Variants in DYNC2H1 observed in about 807,000 individuals in gnomAD.
DYNC2H1 encodes the protein dynein cytoplasmic 2 heavy chain 1.
A neutral mutation model predicts 570.0 loss-of-function variants in DYNC2H1; 410 were observed. The observed-to-expected ratio is 0.72, with a 90% confidence interval of 0.66 to 0.78. The LOEUF is 0.78. DYNC2H1 is among the 30% of genes least tolerant of loss of function. DYNC2H1 has a pLI of 0.00. For missense variants in DYNC2H1, 4,865 were observed against 5,046.4 expected (o/e 0.96, Z 1.09); for synonymous variants, 1,688 against 1,677.6 (o/e 1.01, Z -0.15).
intron 54 of DYNC2H1, among the ~76,000 whole-genome samples, chr11:103,212,165 G>T (rs1863182130): frequency 6.6e-6 from 1 of 151,928 alleles, no homozygotes; most frequent in East Asian, 1.9e-4. Context: ...TTCTTCGCTG[G>T]TTGGCATTTA....
intron 87 of DYNC2H1, among the ~76,000 whole-genome samples, chr11:103,456,857 A>G (rs1944806575): frequency 6.6e-6 from 1 of 152,244 alleles, no homozygotes; most frequent in Non-Finnish European, 1.5e-5. Flanking sequence ...TGTTTCATGC[A>G]CAAAATTCTT....
chr11:103,394,204 T>C (rs1031154777), intron 83 of DYNC2H1, among the ~76,000 whole-genome samples: 1 of 152,182 alleles, frequency 6.6e-6, no homozygotes, highest in Non-Finnish European at 1.5e-5. Context: ...TTAAATAACA[T>C]ATCTTTAATT....
At chr11:103,456,861 AAT>A (rs1279047646) in intron 87 of DYNC2H1, among the ~76,000 whole-genome samples, 1 of 152,236 alleles carries the variant, frequency 6.6e-6, no homozygotes, top group African/African-American at 2.4e-5. Context: ...TCATGCACAA[AAT>A]TCTTTAAAAT....
chr11:103,441,458 A>C (rs902103947), intron 85 of DYNC2H1, among the ~76,000 whole-genome samples: 1 of 150,542 alleles, frequency 6.6e-6, no homozygotes, highest in Non-Finnish European at 1.5e-5. Context: ...TTTATTTTTA[A>C]AAGTTTCTAT....
At chr11:103,116,863 G>T (rs1469662783) in intron 5 of DYNC2H1, 149 bp downstream of exon 5, 1 of 636,452 alleles carries the variant, frequency 1.6e-6, no homozygotes, top group Non-Finnish European at 2.3e-6. Flanking sequence ...ATAGATATTT[G>T]TATATAGTTG....
intron 30 of DYNC2H1, among the ~76,000 whole-genome samples, chr11:103,165,686 A>G (rs1399663068): frequency 6.6e-6 from 1 of 152,188 alleles, no homozygotes; most frequent in African/African-American, 2.4e-5. Context: ...GTATAGTATG[A>G]AATGAGTTCT....
chr11:103,178,462 A>G (rs1861715749), intron 38 of DYNC2H1, among the ~76,000 whole-genome samples: 1 of 152,092 alleles, frequency 6.6e-6, no homozygotes, highest in Non-Finnish European at 1.5e-5. Context: ...TGTATTTCTA[A>G]CACTTTTATC....
chr11:103,339,447 G>A (rs1939328260), intron 82 of DYNC2H1, among the ~76,000 whole-genome samples: 2 of 152,322 alleles, frequency 1.3e-5, no homozygotes, highest in South Asian at 4.1e-4. Flanking sequence ...CTGGCCCTGG[G>A]TGGGTCAAGA....
intron 19 of DYNC2H1, among the ~76,000 whole-genome samples, chr11:103,148,177 C>T (rs1860341326): frequency 6.6e-6 from 1 of 152,056 alleles, no homozygotes; most frequent in African/African-American, 2.4e-5. Flanking sequence ...TTTCAAAATA[C>T]CACAGTTTCT....
Position 103,252,144 on chromosome 11 carries a change from A to G in DYNC2H1, c.10043-1141A>G, listed in dbSNP as rs1302849136. 2.0e-5 allele frequency among the ~76,000 whole-genome samples: 3 copies of G among 150,810 alleles called. No individual in the cohort carries two copies. Among genetic ancestry groups the G allele is most frequent in the African/African-American group, 7.3e-5 (3 of 40,986 alleles). On this transcript the variant is annotated intron_variant, in intron 65 of 88. Transcript: ENST00000375735. This position sits in a 1 kb window ranked among gnomAD's most constrained non-coding sequence, Gnocchi z 4.6. ...AAGACGAGGTCTCAGTATGTTTCCC[A>G]GATGGATCTTGAACTTCTGGTCTCA...
At chr11:103,419,445 C>A (rs1284515998) in intron 84 of DYNC2H1, among the ~76,000 whole-genome samples, 1 of 152,100 alleles carries the variant, frequency 6.6e-6, no homozygotes, top group Non-Finnish European at 1.5e-5. Context: ...AGGCTGCCAT[C>A]TCTGCTGTTT....
At chr11:103,308,987 C>T (rs1397662293) in intron 78 of DYNC2H1, among the ~76,000 whole-genome samples, 2 of 151,864 alleles carry the variant, frequency 1.3e-5, no homozygotes, top group Non-Finnish European at 2.9e-5. Context: ...TCCCTGCCTT[C>T]CTTCTATGCT....
At chr11:103,391,325 T>C (rs2671366) in intron 83 of DYNC2H1, among the ~76,000 whole-genome samples, 102,788 of 152,108 alleles carry the variant, frequency 0.68, 34,850 homozygotes, top group Admixed American at 0.73. Context: ...ACGTAGTTCT[T>C]ATGCCCTGGT....
chr11:103,464,808 AACATGT>A (rs1184776266), intron 87 of DYNC2H1, among the ~76,000 whole-genome samples: 17 of 152,336 alleles, frequency 1.1e-4, no homozygotes, highest in South Asian at 6.2e-4. Flanking sequence ...GCAATATTGA[AACATGT>A]ACTTCTGCAA....
chr11:103,376,064 TAGTG>T (rs1174518691), intron 83 of DYNC2H1, among the ~76,000 whole-genome samples: 1 of 152,170 alleles, frequency 6.6e-6, no homozygotes, highest in Non-Finnish European at 1.5e-5. Flanking sequence ...GTTCTGATGA[TAGTG>T]AGTGAGTTCT....
At chr11:103,124,984 T>G (rs1200975662) in intron 11 of DYNC2H1, 116 bp from the exon 12 acceptor site, 2 of 718,386 alleles carry the variant, frequency 2.8e-6, no homozygotes. Context: ...ATTAAAAAGT[T>G]TTTTTTTACT....
intron 84 of DYNC2H1, among the ~76,000 whole-genome samples, chr11:103,434,775 T>C (rs747195971): frequency 2.0e-5 from 3 of 152,110 alleles, no homozygotes; most frequent in Non-Finnish European, 4.4e-5. Flanking sequence ...GGTTAGCAAG[T>C]TGGTGCCGGC....
intron 55 of DYNC2H1, 30 bp downstream of exon 55, chr11:103,215,888 A>G (rs1271793650): frequency 6.2e-7 from 1 of 1,600,290 alleles, no homozygotes; most frequent in East Asian, 2.2e-5. Context: ...CAAAAATGAA[A>G]ACAATATGGA....
Position 103,319,399 on chromosome 11 carries a change from G to A in DYNC2H1, c.11726-1630G>A, listed in dbSNP as rs3847580. Among the ~76,000 whole-genome samples, 44,515 of 151,958 alleles carry A rather than the reference G, an allele frequency of 0.29. 6,823 individuals are homozygous for A. The highest frequency in any genetic ancestry group is 0.38 in the South Asian group (1,848 of 4,814). On this transcript the variant is annotated intron_variant, in intron 80 of 88. Coordinates refer to ENST00000375735, the MANE Select transcript of DYNC2H1 (RefSeq NM_001377.3). The surrounding 1 kb of genome is among the most constrained non-coding windows in gnomAD (Gnocchi z 4.3). ...TTGGTATTGAGAGTAATAGCCATGC[G>A]ACCTAGAGCAAGTTTCCTAATCTTT... is the stretch of plus-strand genomic sequence containing the variant.
Sources: gnomAD v4.1 joint callset for allele counts (sites outside exome capture counted in the v4.1 genomes callset) on GRCh38, gnomAD v4.1.1 for gene constraint, Gnocchi (gnomAD v3.1) non-coding constraint, MANE v1.5 for transcripts, NCBI Gene and HGNC (gene_info 2026-07-23, HGNC 2026-07-21) for gene names.